Variants in RANBP3 observed in about 807,000 individuals in gnomAD.
RANBP3 encodes the protein ran-binding protein 3.
RANBP3 carries 14 observed loss-of-function variants against 77.3 expected under a neutral mutation model. The observed-to-expected ratio is 0.18, with a 90% CI of 0.12 to 0.28. The LOEUF is 0.28. Among genes scored for constraint, RANBP3 ranks in the 10% least tolerant of loss-of-function variants. The pLI is 1.00. For missense variants in RANBP3, 586 were observed against 752.3 expected, an observed-to-expected ratio of 0.78 and a Z score of 2.59; for synonymous variants, 315 against 312.4, an observed-to-expected ratio of 1.01 and a Z score of -0.09.
At position 5,952,887 on chromosome 19, in the gene RANBP3, C is replaced by T. The variant is rs749493518; in HGVS notation, c.79-1291G>A. On this transcript the variant is annotated intron_variant, in intron 2 of 16. Transcript: ENST00000340578. The surrounding 1 kb of genome is among the most constrained non-coding windows in gnomAD (Gnocchi z 4.1). ...GGCTCTCTAAACCTGCACAGGGCAC[C>T]GTGGTTCGTCCAGCCACCCATGTCT... Among the ~76,000 whole-genome samples the T allele has an allele frequency of 1.3e-5, 2 of 152,158 alleles. No individual in the cohort carries two copies. The highest frequency in any genetic ancestry group is 4.8e-5 in the African/African-American group (2 of 41,438).
At chr19:5,951,329 A>C in intron 3 of RANBP3, 64 bp downstream of exon 3, 1 of 1,433,300 alleles carries the variant, frequency 7.0e-7, no homozygotes, top group Non-Finnish European at 9.6e-7. Flanking sequence ...ACCCGAAGGG[A>C]AAGTGGCTGG....
chr19:5,966,148 C>A (rs1238296923), intron 1 of RANBP3, among the ~76,000 whole-genome samples: 1 of 152,232 alleles, frequency 6.6e-6, no homozygotes, highest in Non-Finnish European at 1.5e-5. Context: ...AGCTACAACA[C>A]ATACACTCTT....
chr19:5,930,607 CGT>C (rs1171724158), intron 8 of RANBP3, among the ~76,000 whole-genome samples: 2 of 152,164 alleles, frequency 1.3e-5, no homozygotes, highest in Non-Finnish European at 2.9e-5. Flanking sequence ...CTGGCTCTGT[CGT>C]CCAGGCTGGA....
chr19:5,942,484 A>C (rs1477749543), intron 3 of RANBP3, among the ~76,000 whole-genome samples: 2 of 152,114 alleles, frequency 1.3e-5, no homozygotes, highest in African/African-American at 4.8e-5. Flanking sequence ...CCAGCAACCA[A>C]GACTTAAAAT....
chr19:5,965,299 C>T (rs1038475855), intron 1 of RANBP3, among the ~76,000 whole-genome samples: 7 of 152,060 alleles, frequency 4.6e-5, no homozygotes, highest in African/African-American at 1.7e-4. Flanking sequence ...AGGGAAAGGG[C>T]CCAGATACTG....
rs2057755004 is a variant in RANBP3, at chr19:5,917,546, G to A, written c.*64C>T. ...ACCTGGACGCTGCCGGTGGGGTGGG[G>A]GCGGGTGGGCGGGTGGATAGACGGA... On this transcript the variant is annotated 3_prime_UTR_variant, in exon 17 of 17. Transcript: ENST00000340578. 1.3e-6 allele frequency: 2 copies of A among 1,489,898 alleles called. No individual in the cohort carries two copies. The highest frequency in any genetic ancestry group is 1.8e-6 in the Non-Finnish European group (2 of 1,117,016). 92.3% of individuals were successfully genotyped at this position (1,489,898 alleles called of 1,614,324 possible).
chr19:5,974,926 G>A (rs539881811), intron 1 of RANBP3, among the ~76,000 whole-genome samples: 39 of 152,342 alleles, frequency 2.6e-4, no homozygotes, highest in Non-Finnish European at 4.7e-4. Flanking sequence ...CTGGCCCAGA[G>A]AAGAGAGATG....
chr19:5,923,150 T>G (rs765339203), intron 13 of RANBP3, 44 bp downstream of exon 13: 1 of 1,530,568 alleles, frequency 6.5e-7, no homozygotes, highest in Non-Finnish European at 9.0e-7. Context: ...GACCCCCAGG[T>G]GCATGGAAGA....
intron 3 of RANBP3, among the ~76,000 whole-genome samples, chr19:5,950,264 C>T (rs1215795251): frequency 1.3e-5 from 2 of 152,164 alleles, no homozygotes; most frequent in Non-Finnish European, 2.9e-5. Flanking sequence ...GACTCCTTCC[C>T]GCGGCTCCCG....
intron 5 of RANBP3, chr19:5,935,606 G>A (rs1225844891): frequency 6.3e-5 from 27 of 430,726 alleles, no homozygotes; most frequent in East Asian, 7.1e-5. Flanking sequence ...CAGCGCTGGC[G>A]CTAACGCTGA....
At chr19:5,975,396 T>C (rs779356722) in intron 1 of RANBP3, among the ~76,000 whole-genome samples, 1 of 152,150 alleles carries the variant, frequency 6.6e-6, no homozygotes, top group Non-Finnish European at 1.5e-5. Flanking sequence ...ATAGCTCATG[T>C]GGACAGCATA....
At chr19:5,953,481 T>C (rs1270203419) in intron 2 of RANBP3, among the ~76,000 whole-genome samples, 1 of 152,238 alleles carries the variant, frequency 6.6e-6, no homozygotes, top group African/African-American at 2.4e-5. Flanking sequence ...AGTGATACTG[T>C]ACTTTCTGCT....
rs763703504 is a variant in RANBP3 at position 5,923,185 on chromosome 19, GC to G, written c.1209+8del. 73 of 1,612,514 alleles carry G rather than the reference GC, an allele frequency of 4.5e-5. No homozygotes were observed. Among genetic ancestry groups the G allele is most frequent in the Non-Finnish European group, 6.0e-5 (71 of 1,178,722 alleles). On this transcript the variant is annotated splice_region_variant and intron_variant, in intron 13 of 16. Transcript: ENST00000340578. ...ACCCAGGGCCACCGAGGAGGGGCCG[GC>G]CCCTCACCTGTAACACATTGCTCTC...
In RANBP3 at chr19:5,978,125, GGCTC is replaced by G; in HGVS notation, c.-47_-44del. 6.3e-7 allele frequency: 1 copy of G among 1,593,544 alleles called. No homozygotes were observed. The highest frequency in any genetic ancestry group is 2.4e-5 in the East Asian group (1 of 42,472). ...TCCCACAAGGCCCCGCGCCGGCCCA[GGCTC>G]GCCTGCTTTCTGCCAGAAACTCCCG... On this transcript the variant is annotated 5_prime_UTR_variant, in exon 1 of 17. Transcript: ENST00000340578.
chr19:5,972,467 C>A (rs371075472), intron 1 of RANBP3, among the ~76,000 whole-genome samples: 20 of 152,140 alleles, frequency 1.3e-4, no homozygotes, highest in African/African-American at 4.6e-4. Flanking sequence ...CCACCAGGAC[C>A]CCCTAAAACA....
In RANBP3 at chr19:5,924,141, G is replaced by A. The variant is rs372568033; in HGVS notation, c.997-227C>T. ...CCCCTCGAGCCACACTGGTCACTCC[G>A]TCTGGGTGAGGCAAGACTTTGAACA... On this transcript the variant is annotated intron_variant, in intron 11 of 16. Transcript: ENST00000340578. The surrounding 1 kb of genome is among the most constrained non-coding windows in gnomAD (Gnocchi z 4.7). Among the ~76,000 whole-genome samples, 21 of 152,332 alleles carry A rather than the reference G, an allele frequency of 1.4e-4. No homozygotes were observed. The highest frequency in any genetic ancestry group is 6.2e-4 in the South Asian group (3 of 4,830).
At chr19:5,929,868 T>C (rs2057965496) in intron 8 of RANBP3, among the ~76,000 whole-genome samples, 2 of 152,204 alleles carry the variant, frequency 1.3e-5, no homozygotes, top group South Asian at 4.1e-4. Flanking sequence ...CAGACCCACA[T>C]GGAGCAGTGG....
chr19:5,925,728 C>T lies in RANBP3; in HGVS notation c.823G>A (p.Glu275Lys), dbSNP rs199698236. The change falls in exon 10 of 17, where the codon GAG (glutamate) becomes AAG (lysine). Residue 275 changes from glutamate (E) to lysine (K), a missense_variant. Glu to Lys is a moderately conservative substitution (Grantham distance 56). This residue lies in a region of RANBP3 where 232 missense variants were observed against 271.7 expected (regional missense o/e 0.85). Coordinates refer to ENST00000340578, the MANE Select transcript of RANBP3 (RefSeq NM_007322.3). ...NLRDRVKLINESVDEADMENA... is the reference protein window; with the variant it reads ...NLRDRVKLINKSVDEADMENA... The stretch of plus-strand genomic sequence containing the variant: ...TCCATGTCGGCTTCGTCCACGCTCT[C>T]ATTTATCAGCTGGGAATGAGACGGA... 2.0e-4 allele frequency: 318 copies of T among 1,613,580 alleles called. 1 individual carries two copies. In the African/African-American group the frequency reaches 3.9e-3, roughly 20 times the overall value.
intron 1 of RANBP3, chr19:5,962,738 C>T (rs1362122251): frequency 2.2e-6 from 1 of 456,072 alleles, no homozygotes. Flanking sequence ...CAGTTACTCA[C>T]GCTGCATTTC....
Sources: allele counts gnomAD v4.1 joint callset (sites outside exome capture counted in the v4.1 genomes callset), GRCh38; gene constraint gnomAD v4.1.1; regional missense constraint gnomAD v4.1.1; non-coding constraint Gnocchi (gnomAD v3.1); transcripts MANE v1.5; gene names NCBI Gene and HGNC (gene_info 2026-07-23, HGNC 2026-07-21).